The following ZNRF1 variants were observed in gnomAD, a reference collection of about 807,000 sequenced individuals.
The protein encoded by ZNRF1 is zinc and ring finger 1.
In ZNRF1, 3 loss-of-function variants were observed where a neutral mutation model predicts 18.4. That is an observed-to-expected ratio of 0.16 (90% confidence interval 0.07 to 0.42). The LOEUF is 0.42. Among genes scored for constraint, ZNRF1 ranks in the 10% least tolerant of loss-of-function variants. ZNRF1 has a pLI of 0.99. For synonymous variants in ZNRF1, 157 were observed against 144.2 expected, an observed-to-expected ratio of 1.09 and a Z score of -0.64; for missense variants, 310 against 329.8, an observed-to-expected ratio of 0.94 and a Z score of 0.47.
chr16:75,021,407 T>G (rs968523317), intron 1 of ZNRF1, among the ~76,000 whole-genome samples: 6 of 152,250 alleles, frequency 3.9e-5, no homozygotes, highest in African/African-American at 1.4e-4. Flanking sequence ...CTTATTTGAA[T>G]TCACTCACCT....
intron 1 of ZNRF1, among the ~76,000 whole-genome samples, chr16:75,001,277 C>T (rs1031970085): frequency 1.1e-4 from 16 of 152,128 alleles, no homozygotes; most frequent in Non-Finnish European, 2.1e-4. Flanking sequence ...CTCTTTCCCC[C>T]CCCCTGCAAA....
intron 1 of ZNRF1, among the ~76,000 whole-genome samples, chr16:75,059,245 CT>C (rs59289376): frequency 0.17 from 11,398 of 66,936 alleles, 227 homozygotes; most frequent in Admixed American, 0.22. Flanking sequence ...TTTTTTTTTT[CT>C]TTTTTTTTTT....
chr16:75,065,062 G>A (rs2035785892), intron 1 of ZNRF1, among the ~76,000 whole-genome samples: 1 of 152,220 alleles, frequency 6.6e-6, no homozygotes, highest in African/African-American at 2.4e-5. Context: ...AGCAACTCGT[G>A]TGCTTTCAAA....
intron 1 of ZNRF1, among the ~76,000 whole-genome samples, chr16:75,014,505 T>G (rs1399422782): frequency 6.6e-6 from 1 of 152,254 alleles, no homozygotes; most frequent in Non-Finnish European, 1.5e-5. Context: ...TTTTCACAGC[T>G]ATACTCTATT....
At chr16:75,049,597 G>T (rs2035563596) in intron 1 of ZNRF1, among the ~76,000 whole-genome samples, 1 of 152,194 alleles carries the variant, frequency 6.6e-6, no homozygotes, top group Admixed American at 6.5e-5. Context: ...CGGAGTTAGA[G>T]ACCAACCTGG....
At chr16:75,041,663 A>G (rs2035448386) in intron 1 of ZNRF1, among the ~76,000 whole-genome samples, 1 of 152,076 alleles carries the variant, frequency 6.6e-6, no homozygotes, top group Non-Finnish European at 1.5e-5. Flanking sequence ...TTCGTTAGCT[A>G]GTGATGATCC....
intron 1 of ZNRF1, among the ~76,000 whole-genome samples, chr16:75,046,570 T>A (rs188567176): frequency 4.6e-5 from 7 of 151,908 alleles, no homozygotes; most frequent in African/African-American, 1.7e-4. Flanking sequence ...TATTATTATT[T>A]TTTATTTATT....
chr16:75,031,474 A>T (rs565970809), intron 1 of ZNRF1, among the ~76,000 whole-genome samples: 66 of 151,354 alleles, frequency 4.4e-4, no homozygotes, highest in East Asian at 7.8e-4. Flanking sequence ...CTTAAAAAAA[A>T]ATTTTTTTTC....
chr16:75,047,706 T>A (rs1179709992), intron 1 of ZNRF1, among the ~76,000 whole-genome samples: 1 of 152,034 alleles, frequency 6.6e-6, no homozygotes, highest in Non-Finnish European at 1.5e-5. Context: ...TCACAGCTGT[T>A]TCCTCCTTTT....
intron 1 of ZNRF1, among the ~76,000 whole-genome samples, chr16:75,021,768 C>G (rs1250742890): frequency 2.0e-5 from 3 of 152,128 alleles, no homozygotes; most frequent in Non-Finnish European, 2.9e-5. Context: ...ATGGTGCTCT[C>G]CAAATTTACT....
At chr16:75,077,584 A>C (rs1039552613) in intron 1 of ZNRF1, among the ~76,000 whole-genome samples, 2 of 152,226 alleles carry the variant, frequency 1.3e-5, no homozygotes, top group African/African-American at 4.8e-5. Flanking sequence ...CATTTCTCTT[A>C]GAAGGTTTTA....
intron 1 of ZNRF1, among the ~76,000 whole-genome samples, chr16:75,052,817 C>G (rs996138114): frequency 6.6e-6 from 1 of 152,232 alleles, no homozygotes; most frequent in African/African-American, 2.4e-5. Flanking sequence ...GTCCGTCCAG[C>G]TTACTGTTGT....
At chr16:75,011,517 G>A (rs2035000378) in intron 1 of ZNRF1, among the ~76,000 whole-genome samples, 1 of 152,136 alleles carries the variant, frequency 6.6e-6, no homozygotes, top group Non-Finnish European at 1.5e-5. Context: ...GTGGGCACAC[G>A]CCACCATGCC....
intron 1 of ZNRF1, among the ~76,000 whole-genome samples, chr16:75,004,114 C>T (rs796103813): frequency 2.6e-4 from 39 of 152,210 alleles, no homozygotes; most frequent in African/African-American, 8.9e-4. Flanking sequence ...GCATGAGCCA[C>T]CGTGCCAGGC....
intron 2 of ZNRF1, among the ~76,000 whole-genome samples, chr16:75,102,104 C>T (rs967291020): frequency 6.6e-6 from 1 of 152,194 alleles, no homozygotes; most frequent in African/African-American, 2.4e-5. Context: ...CGAATCGGTT[C>T]CATTTTATGC....
intron 1 of ZNRF1, among the ~76,000 whole-genome samples, chr16:75,000,645 C>T (rs955167815): frequency 6.6e-6 from 1 of 152,240 alleles, no homozygotes; most frequent in Non-Finnish European, 1.5e-5. Context: ...GAGCAGCCGG[C>T]AGGCGGCTGG....
chr16:75,094,433 A>C (rs570336951), intron 2 of ZNRF1, among the ~76,000 whole-genome samples: 4 of 152,356 alleles, frequency 2.6e-5, no homozygotes, highest in Non-Finnish European at 5.9e-5. Flanking sequence ...TGCTGTGCAT[A>C]AGGCTTTGGA....
intron 1 of ZNRF1, among the ~76,000 whole-genome samples, chr16:75,023,791 T>TGGCTGA (rs2145339462): frequency 6.6e-6 from 1 of 152,190 alleles, no homozygotes; most frequent in South Asian, 2.1e-4. Context: ...TCTTTGGCCA[T>TGGCTGA]GGCTGACACT....
At chr16:75,043,813 G>A (rs1431788848) in intron 1 of ZNRF1, among the ~76,000 whole-genome samples, 5 of 6,236 alleles carry the variant, frequency 8.0e-4, no homozygotes, top group Non-Finnish European at 4.6e-3. Context: ...TTTTGAGACA[G>A]AGTTTTGTTC....
Sources: allele counts gnomAD v4.1 joint callset (sites outside exome capture counted in the v4.1 genomes callset), GRCh38; gene constraint gnomAD v4.1.1; transcripts MANE v1.5; gene names NCBI Gene and HGNC (gene_info 2026-07-23, HGNC 2026-07-21).